The following C16orf96 variants were observed in gnomAD, a reference collection of about 807,000 sequenced individuals.
C16orf96 encodes uncharacterized protein C16orf96.
A neutral mutation model predicts 103.6 loss-of-function variants in C16orf96; 108 were observed. The ratio of observed to expected loss-of-function variants is 1.04; its 90% confidence interval spans 0.89 to 1.22. The LOEUF is 1.22. C16orf96 is among the 50% of genes most tolerant of loss of function. C16orf96 has a pLI of 0.00. For missense variants in C16orf96, 1,586 were observed against 1,464.2 expected (o/e 1.08, Z -1.36); for synonymous variants, 566 against 593.5 (o/e 0.95, Z 0.67).
Position 4,571,616 on chromosome 16 carries a change from T to C in C16orf96, c.476T>C (p.Ile159Thr), listed in dbSNP as rs553232591. ...GATCTTCATGCACTCCAGGTCACCATCACAGCCCTCAGAAAAGAAGTGGAC... is the reference window on the plus strand; with the variant it reads ...GATCTTCATGCACTCCAGGTCACCACCACAGCCCTCAGAAAAGAAGTGGAC... ...LTDLHALQVT[I>T]TALRKEVDML... is the part of the protein sequence containing the mutation. Residue 159 changes from isoleucine (I) to threonine (T), a missense_variant, in exon 2 of 16, where the codon ATC (isoleucine) becomes ACC (threonine). Ile to Thr is a moderately conservative substitution (Grantham distance 89). Coordinates refer to ENST00000444310, the MANE Select transcript of C16orf96 (RefSeq NM_001145011.2). 1 of 1,552,268 alleles carries C rather than the reference T, an allele frequency of 6.4e-7. No homozygotes were observed. The highest frequency in any genetic ancestry group is 2.4e-5 in the East Asian group (1 of 40,924).
At chr16:4,546,888 T>C in the C16orf96 span, among the ~76,000 whole-genome samples, 1 of 152,218 alleles carries the variant, frequency 6.6e-6, no homozygotes, top group Non-Finnish European at 1.5e-5. Context: ...CACTGATCCG[T>C]GCTACAACGT....
At chr16:4,561,948 C>T (rs1230015448) in intron 1 of C16orf96, among the ~76,000 whole-genome samples, 2 of 152,180 alleles carry the variant, frequency 1.3e-5, no homozygotes, top group Non-Finnish European at 2.9e-5. Flanking sequence ...GGGATGATGT[C>T]AGCTGTTTGT....
rs140680907 is a variant in C16orf96, at chr16:4,575,350, G to A, written c.870G>A (p.Pro290=). The part of the protein sequence containing the change: ...VWHYEVPELL[P]EGSSAQAVSL... The stretch of plus-strand genomic sequence containing the variant: ...ATTATGAGGTCCCAGAGCTCCTCCC[G>A]GAGGGCTCATCTGCCCAAGCAGTTT... The change falls in exon 5 of 16, where the codon CCG becomes CCA. Residue 290 remains proline, a synonymous_variant. Coordinates refer to ENST00000444310, the MANE Select transcript of C16orf96 (RefSeq NM_001145011.2). 5.1e-4 allele frequency: 788 copies of A among 1,551,184 alleles called. 4 individuals carry two copies. Among genetic ancestry groups the A allele is most frequent in the Middle Eastern group, 3.8e-3 (23 of 5,992 alleles).
intron 1 of C16orf96, among the ~76,000 whole-genome samples, chr16:4,570,059 C>T (rs899505833): frequency 2.0e-4 from 30 of 152,178 alleles, no homozygotes; most frequent in Non-Finnish European, 3.1e-4. Flanking sequence ...AGAAGTGAAG[C>T]GGCACGTTTA....
chr16:4,561,960 G>A (rs575220677), intron 1 of C16orf96, among the ~76,000 whole-genome samples: 11 of 152,272 alleles, frequency 7.2e-5, no homozygotes, highest in African/African-American at 2.6e-4. Flanking sequence ...GCTGTTTGTT[G>A]TTGAAACTGT....
At chr16:4,565,459 G>A (rs1302939553) in intron 1 of C16orf96, among the ~76,000 whole-genome samples, 4 of 152,196 alleles carry the variant, frequency 2.6e-5, no homozygotes, top group Admixed American at 2.6e-4. Flanking sequence ...ACACAGAGGG[G>A]GAGGTTGTAG....
At chr16:4,588,701 C>CTTTTTTTTT (rs35941814) in intron 9 of C16orf96, among the ~76,000 whole-genome samples, 1 of 80,290 alleles carries the variant, frequency 1.2e-5, no homozygotes. Context: ...GCAGCAATGT[C>CTTTTTTTTT]TTTTTTTTTT....
At chr16:4,599,385 C>A in intron 15 of C16orf96, 21 bp downstream of exon 15, 1 of 1,542,340 alleles carries the variant, frequency 6.5e-7, no homozygotes, top group Non-Finnish European at 8.8e-7. Context: ...GGTTCCCAGC[C>A]CCAGCCCAGC....
chr16:4,600,250 T>C lies in C16orf96; in HGVS notation c.3359T>C (p.Leu1120Pro). ...CAGCAGGCCCCAGGGTCCACCAGGC[T>C]CTCAAGAGCTCCACACATTGAGTCC... Reference protein sequence around the residue: ...DPQQAPGSTRLSRAPHIESRV... With the variant: ...DPQQAPGSTRPSRAPHIESRV... Residue 1120 changes from leucine (L) to proline (P), a missense_variant, in exon 16 of 16, where the codon CTC becomes CCC. Transcript: ENST00000444310. 1 of 1,551,020 alleles carries C rather than the reference T, an allele frequency of 6.4e-7. No individual in the cohort carries two copies. Among genetic ancestry groups the C allele is most frequent in the Non-Finnish European group, 8.7e-7 (1 of 1,146,836 alleles).
the C16orf96 span, among the ~76,000 whole-genome samples, chr16:4,544,548 A>C: frequency 2.6e-5 from 4 of 152,204 alleles, no homozygotes; most frequent in Admixed American, 6.5e-5. Context: ...CTGGAGTTGC[A>C]GTGAGCCTGG....
At chr16:4,580,488 C>A (rs1809929422) in intron 7 of C16orf96, among the ~76,000 whole-genome samples, 1 of 151,812 alleles carries the variant, frequency 6.6e-6, no homozygotes, top group Non-Finnish European at 1.5e-5. Context: ...TTTCCCTGAG[C>A]CAAGAGGTAG....
chr16:4,579,415 G>A (rs1022509566), intron 6 of C16orf96, among the ~76,000 whole-genome samples: 5 of 152,040 alleles, frequency 3.3e-5, no homozygotes, highest in African/African-American at 9.7e-5. Flanking sequence ...TTATCCAGGT[G>A]TGGTGGTTTG....
At chr16:4,550,489 C>T in the C16orf96 span, among the ~76,000 whole-genome samples, 2 of 152,346 alleles carry the variant, frequency 1.3e-5, no homozygotes, top group Admixed American at 6.5e-5. Flanking sequence ...GCCCCCTCTC[C>T]AGCATCAAGC....
rs183694939 is a variant in C16orf96, at chr16:4,591,726, C to T, written c.2653C>T (p.Arg885Trp). ...KEMEEVWKIV[R>W]KLLIEGLRLD... ...AATGGAAGAGGTCTGGAAAATCGTC[C>T]GGAAGCTGCTGATTGAGGGCTTAAG... The change falls in exon 10 of 16, where the codon CGG (arginine) becomes TGG (tryptophan). Residue 885 changes from arginine (R) to tryptophan (W), a missense_variant. Physicochemically the swap from Arg to Trp is moderately radical, Grantham distance 101 (BLOSUM62 -3). Transcript: ENST00000444310. 5.2e-6 allele frequency: 8 copies of T among 1,551,628 alleles called. No homozygotes were observed. Among genetic ancestry groups the T allele is most frequent in the Middle Eastern group, 1.7e-4 (1 of 5,992 alleles).
chr16:4,578,445 A>G (rs2059540588), intron 5 of C16orf96, among the ~76,000 whole-genome samples: 1 of 152,004 alleles, frequency 6.6e-6, no homozygotes, highest in African/African-American at 2.4e-5. Context: ...ACCTGATAAA[A>G]AAAATTTTTT....
At chr16:4,587,356 C>T (rs1053769928) in intron 8 of C16orf96, among the ~76,000 whole-genome samples, 3 of 151,748 alleles carry the variant, frequency 2.0e-5, no homozygotes, top group Admixed American at 6.6e-5. Flanking sequence ...GATGAAACTC[C>T]GTCTCTAGTC....
At chr16:4,569,423 C>T (rs149770913) in intron 1 of C16orf96, among the ~76,000 whole-genome samples, 309 of 152,262 alleles carry the variant, frequency 2.0e-3, no homozygotes, top group African/African-American at 6.8e-3. Flanking sequence ...CTTTCTCCTT[C>T]CCCACTGCTC....
At chr16:4,563,927 G>C (rs183609856) in intron 1 of C16orf96, among the ~76,000 whole-genome samples, 1 of 151,498 alleles carries the variant, frequency 6.6e-6, no homozygotes, top group South Asian at 2.1e-4. Context: ...GCCAGGTGTG[G>C]TGGCTCCCAC....
chr16:4,588,651 A>T (rs34082926), intron 9 of C16orf96, among the ~76,000 whole-genome samples: 102,215 of 150,652 alleles, frequency 0.68, 37,747 homozygotes, highest in East Asian at 0.88. Context: ...ATTGCAGCTG[A>T]CATCTCCCAG....
Sources: allele counts gnomAD v4.1 joint callset (sites outside exome capture counted in the v4.1 genomes callset), GRCh38; gene constraint gnomAD v4.1.1; transcripts MANE v1.5; gene names NCBI Gene and HGNC (gene_info 2026-07-23, HGNC 2026-07-21).